The following PRKAA1 variants were observed in gnomAD, a reference collection of about 807,000 sequenced individuals.
PRKAA1 encodes protein kinase AMP-activated catalytic subunit alpha 1.
A neutral mutation model predicts 56.9 loss-of-function variants in PRKAA1; 23 were observed. The observed-to-expected ratio is 0.40, with a 90% CI of 0.29 to 0.57. The LOEUF is 0.57. Ranked by LOEUF, PRKAA1 falls within the 20% of genes least tolerant of loss-of-function variation. PRKAA1 has a pLI of 0.39. For synonymous variants in PRKAA1, 226 were observed against 227.0 expected, an observed-to-expected ratio of 1.00 and a Z score of 0.04; for missense variants, 413 against 679.7, an observed-to-expected ratio of 0.61 and a Z score of 4.36.
rs533337978 is a variant in PRKAA1 at position 40,760,399 on chromosome 5, C to T, written c.*2379G>A. ...CAAAATTAACAATTTTTAAAAGGTCCTATTTAATTGGTTCCTCCTTTTCTT... is the reference window on the plus strand; with the variant it reads ...CAAAATTAACAATTTTTAAAAGGTCTTATTTAATTGGTTCCTCCTTTTCTT... On this transcript the variant is annotated 3_prime_UTR_variant, in exon 9 of 9. Transcript: ENST00000397128. 1.3e-5 allele frequency: 2 copies of T among 152,762 alleles called. No individual in the cohort carries two copies. Among genetic ancestry groups the T allele is most frequent in the African/African-American group, 4.8e-5 (2 of 41,532 alleles). 9.5% of individuals were successfully genotyped at this position (152,762 alleles called of 1,614,324 possible).
chr5:40,797,915 T>A (rs777388494), intron 1 of PRKAA1, 148 bp downstream of exon 1: 3 of 1,185,608 alleles, frequency 2.5e-6, no homozygotes, highest in Non-Finnish European at 3.3e-6. Context: ...CCGCGGCGGC[T>A]GGGGAGAGCT....
intron 2 of PRKAA1, among the ~76,000 whole-genome samples, chr5:40,775,794 T>C (rs1743974159): frequency 6.6e-6 from 1 of 152,150 alleles, no homozygotes; most frequent in African/African-American, 2.4e-5. Context: ...AAAGTAACAT[T>C]TGAGCTGAGC....
At chr5:40,786,914 C>T (rs1375645356) in intron 1 of PRKAA1, among the ~76,000 whole-genome samples, 1 of 150,418 alleles carries the variant, frequency 6.6e-6, no homozygotes, top group Admixed American at 6.6e-5. Flanking sequence ...GCCAAGATCT[C>T]ACCACTGCAC....
intron 1 of PRKAA1, among the ~76,000 whole-genome samples, chr5:40,788,709 C>A (rs917935429): frequency 1.3e-5 from 2 of 152,046 alleles, no homozygotes; most frequent in Non-Finnish European, 2.9e-5. Flanking sequence ...CACCTGTAGT[C>A]CCAGCTACTC....
In PRKAA1 at chr5:40,783,630, G is replaced by A. The variant is rs1744353477; in HGVS notation, c.128-6044C>T. 2.0e-5 allele frequency among the ~76,000 whole-genome samples: 3 copies of A among 152,028 alleles called. No homozygotes were observed. The South Asian group carries it at 6.2e-4, about 31-fold the overall frequency. Reference sequence around the variant, plus strand: ...AAAAATTAACCAGGCGTGTTGGCACGCACCTGTAATCCCAGCTACTTAGGA... The same window carrying A: ...AAAAATTAACCAGGCGTGTTGGCACACACCTGTAATCCCAGCTACTTAGGA... On this transcript the variant is annotated intron_variant, in intron 1 of 8. Coordinates refer to ENST00000397128, the MANE Select transcript of PRKAA1 (RefSeq NM_006251.6).
chr5:40,768,145 CAG>C (rs2111995692), intron 5 of PRKAA1, among the ~76,000 whole-genome samples: 1 of 152,308 alleles, frequency 6.6e-6, no homozygotes, highest in Admixed American at 6.5e-5. Context: ...AATTGGTTCA[CAG>C]AGTTTTTAAA....
intron 1 of PRKAA1, among the ~76,000 whole-genome samples, chr5:40,797,764 T>A (rs1744996551): frequency 6.6e-6 from 1 of 151,988 alleles, no homozygotes. Flanking sequence ...GCCGCCCGCC[T>A]GCCCCACCTG....
chr5:40,762,247 G>C lies in PRKAA1; in HGVS notation c.*531C>G. On this transcript the variant is annotated 3_prime_UTR_variant, in exon 9 of 9. Coordinates refer to ENST00000397128, the MANE Select transcript of PRKAA1 (RefSeq NM_006251.6). ...AGACCACACCATTGCACTCCAGCCTGGGTGACAAAGTGACACTGTCTCAAA... is the reference window on the plus strand; with the variant it reads ...AGACCACACCATTGCACTCCAGCCTCGGTGACAAAGTGACACTGTCTCAAA... 6.4e-6 allele frequency: 1 copy of C among 155,768 alleles called. No individual in the cohort carries two copies. Among genetic ancestry groups the C allele is most frequent in the South Asian group, 1.9e-4 (1 of 5,168 alleles). The allele number at this position is 155,768 out of a possible 1,614,324, so 9.6% of individuals were successfully genotyped here. A position where few individuals can be genotyped will look rare whatever the true frequency, so the allele number is the denominator to read the frequency against.
At chr5:40,778,898 T>C (rs1744143565) in intron 1 of PRKAA1, among the ~76,000 whole-genome samples, 1 of 148,558 alleles carries the variant, frequency 6.7e-6, no homozygotes, top group African/African-American at 2.5e-5. Context: ...GGTGATCAGG[T>C]GATCCTCCCA....
chr5:40,774,135 G>GT (rs1743879202), intron 3 of PRKAA1, among the ~76,000 whole-genome samples: 1 of 152,200 alleles, frequency 6.6e-6, no homozygotes, highest in African/African-American at 2.4e-5. Flanking sequence ...CCAGCAATCA[G>GT]TAAGTCCTAC....
chr5:40,792,873 G>A (rs1434128977), intron 1 of PRKAA1, among the ~76,000 whole-genome samples: 1 of 151,784 alleles, frequency 6.6e-6, no homozygotes, highest in African/African-American at 2.4e-5. Flanking sequence ...GACTAACCTG[G>A]CCGACGTGGT....
intron 3 of PRKAA1, 47 bp downstream of exon 3, chr5:40,775,362 TA>T (rs1743950953): frequency 1.4e-6 from 2 of 1,423,414 alleles, no homozygotes; most frequent in Non-Finnish European, 2.0e-6. Context: ...TAGTAAAGGA[TA>T]AAGGGGAGTT....
At chr5:40,764,033 C>T (rs1419314186) in intron 8 of PRKAA1, among the ~76,000 whole-genome samples, 3 of 152,136 alleles carry the variant, frequency 2.0e-5, no homozygotes, top group Non-Finnish European at 4.4e-5. Context: ...CCTCAGCCTC[C>T]CAAAGTGCTG....
chr5:40,766,006 T>G (rs1743416714), intron 6 of PRKAA1, among the ~76,000 whole-genome samples: 1 of 152,180 alleles, frequency 6.6e-6, no homozygotes, highest in African/African-American at 2.4e-5. Context: ...TAAAGATAAT[T>G]TTTTATTCTC....
intron 1 of PRKAA1, among the ~76,000 whole-genome samples, chr5:40,796,443 T>G (rs1744932698): frequency 6.6e-6 from 1 of 151,826 alleles, no homozygotes; most frequent in Non-Finnish European, 1.5e-5. Flanking sequence ...GGGGCAAAAA[T>G]GAACATTTTT....
chr5:40,796,255 G>A (rs1249074003), intron 1 of PRKAA1, among the ~76,000 whole-genome samples: 5 of 151,998 alleles, frequency 3.3e-5, no homozygotes, highest in East Asian at 3.9e-4. Flanking sequence ...AGCGGAGGTT[G>A]CAATGAGCCA....
At chr5:40,792,115 TTGTG>T (rs1186098469) in intron 1 of PRKAA1, among the ~76,000 whole-genome samples, 2 of 152,244 alleles carry the variant, frequency 1.3e-5, no homozygotes, top group Non-Finnish European at 2.9e-5. Context: ...GTAACCAGTC[TTGTG>T]TGTATCTTTA....
chr5:40,797,964 A>C, intron 1 of PRKAA1, 99 bp downstream of exon 1: 1 of 1,506,696 alleles, frequency 6.6e-7, no homozygotes, highest in Non-Finnish European at 9.0e-7. Context: ...AGCCCTGGAA[A>C]GAAGGGACGC....
intron 1 of PRKAA1, among the ~76,000 whole-genome samples, chr5:40,792,939 C>T (rs1422852508): frequency 6.6e-6 from 1 of 151,516 alleles, no homozygotes; most frequent in Non-Finnish European, 1.5e-5. Flanking sequence ...TAGTGGTGGG[C>T]GCCTATAATC....
Sources: allele counts gnomAD v4.1 joint callset (sites outside exome capture counted in the v4.1 genomes callset), GRCh38; gene constraint gnomAD v4.1.1; transcripts MANE v1.5; gene names NCBI Gene and HGNC (gene_info 2026-07-23, HGNC 2026-07-21).